Variants in HTR1E observed in about 807,000 individuals in gnomAD.
HTR1E encodes the protein 5-HT-1E.
Under a neutral mutation model 3.4 loss-of-function variants are expected in HTR1E, and 3 were observed. That is an observed-to-expected ratio of 0.89 (90% CI 0.41 to 2.31). HTR1E has a LOEUF of 2.31. HTR1E is among the 30% of genes most tolerant of loss of function. The pLI, the probability that HTR1E is intolerant of heterozygous loss-of-function variation, is 0.05. For missense variants in HTR1E, 392 were observed against 467.0 expected (o/e 0.84, Z 1.48); for synonymous variants, 170 against 182.8 (o/e 0.93, Z 0.56).
intron 1 of HTR1E, among the ~76,000 whole-genome samples, chr6:87,010,414 G>T (rs1391513295): frequency 1.0e-4 from 15 of 149,230 alleles, no homozygotes; most frequent in East Asian, 2.0e-4. Flanking sequence ...GGGCTGAGGG[G>T]CTCCTCACTT....
chr6:87,005,859 A>C (rs1027242971), intron 1 of HTR1E, among the ~76,000 whole-genome samples: 2 of 152,214 alleles, frequency 1.3e-5, no homozygotes, highest in Admixed American at 1.3e-4. Context: ...TAATAACCAG[A>C]ATATATAAGG....
chr6:86,972,403 CT>C (rs1384240191), intron 1 of HTR1E, among the ~76,000 whole-genome samples: 1 of 152,140 alleles, frequency 6.6e-6, no homozygotes, highest in African/African-American at 2.4e-5. Flanking sequence ...AAGTAACCAA[CT>C]TTTACAAGGC....
chr6:86,971,423 G>A (rs1582266444), intron 1 of HTR1E, among the ~76,000 whole-genome samples: 1 of 152,118 alleles, frequency 6.6e-6, no homozygotes, highest in South Asian at 2.1e-4. Flanking sequence ...TCATGGATAT[G>A]AGCAATTACT....
intron 1 of HTR1E, among the ~76,000 whole-genome samples, chr6:87,002,457 T>C (rs1768038659): frequency 6.6e-6 from 1 of 152,230 alleles, no homozygotes; most frequent in Non-Finnish European, 1.5e-5. Flanking sequence ...CCAGCTTTTA[T>C]TCCCTTATTT....
chr6:87,014,295 G>A (rs1460102329), intron 1 of HTR1E, among the ~76,000 whole-genome samples: 1 of 144,864 alleles, frequency 6.9e-6, no homozygotes, highest in Admixed American at 6.9e-5. Context: ...ATAATAATAA[G>A]GCAGGAAGCA....
chr6:86,994,687 C>A (rs961270839), intron 1 of HTR1E, among the ~76,000 whole-genome samples: 7 of 151,892 alleles, frequency 4.6e-5, no homozygotes, highest in African/African-American at 1.5e-4. Flanking sequence ...AGGAAAAAAA[C>A]AGAAAGAGTG....
At chr6:87,001,104 G>A (rs1232462240) in intron 1 of HTR1E, among the ~76,000 whole-genome samples, 2 of 152,098 alleles carry the variant, frequency 1.3e-5, no homozygotes, top group East Asian at 3.9e-4. Context: ...ATAATGGGCT[G>A]TAAGGGATTA....
intron 1 of HTR1E, among the ~76,000 whole-genome samples, chr6:86,964,229 C>T (rs1767444237): frequency 2.0e-5 from 3 of 152,100 alleles, no homozygotes; most frequent in South Asian, 2.1e-4. Flanking sequence ...GCGTTGGAAT[C>T]GTATCTGGGG....
Position 87,016,428 on chromosome 6 carries a change from C to A in HTR1E, c.1094C>A (p.Thr365Asn). 1 of 1,585,398 alleles carries A rather than the reference C, an allele frequency of 6.3e-7. No individual in the cohort carries two copies. Among genetic ancestry groups the A allele is most frequent in the Non-Finnish European group, 8.6e-7 (1 of 1,162,736 alleles). The change falls in exon 2 of 2, where the codon ACT (threonine) becomes AAT (asparagine). Residue 365 changes from threonine to asparagine, a missense_variant. By Grantham distance (65) the Thr-to-Asn change is moderately conservative. This residue lies in a region of HTR1E where 25 missense variants were observed against 44.1 expected (regional missense o/e 0.57). Transcript: ENST00000305344. ...AAGCTCATTAGATGCCGAGAGCATA[C>A]TTAGACTGTAAAAAGCTAAAAGGCA... ...FKKLIRCREHT is the reference protein window; with the variant it reads ...FKKLIRCREHN
intron 1 of HTR1E, among the ~76,000 whole-genome samples, chr6:87,014,669 G>T (rs1406609981): frequency 6.6e-6 from 1 of 152,114 alleles, no homozygotes; most frequent in Non-Finnish European, 1.5e-5. Context: ...ACATGGATGA[G>T]TTGGAAACCA....
intron 1 of HTR1E, among the ~76,000 whole-genome samples, 173 bp from the exon 2 acceptor site, chr6:87,014,977 T>C (rs1158979641): frequency 1.3e-5 from 2 of 152,042 alleles, no homozygotes; most frequent in East Asian, 3.9e-4. Flanking sequence ...GTTTGAAAAC[T>C]TCCCTGAAGT....
intron 1 of HTR1E, among the ~76,000 whole-genome samples, chr6:87,004,306 C>T (rs1242105125): frequency 6.6e-6 from 1 of 152,120 alleles, no homozygotes; most frequent in East Asian, 1.9e-4. Context: ...TAGAAGACTA[C>T]AGACCAATAT....
intron 1 of HTR1E, among the ~76,000 whole-genome samples, chr6:86,975,972 T>C (rs568112647): frequency 1.1e-4 from 16 of 151,464 alleles, no homozygotes; most frequent in Non-Finnish European, 2.2e-4. Flanking sequence ...CCCATTCCTT[T>C]ACCATGAAAG....
chr6:86,952,192 A>T (rs1435371712), intron 1 of HTR1E, among the ~76,000 whole-genome samples: 1 of 152,124 alleles, frequency 6.6e-6, no homozygotes, highest in Non-Finnish European at 1.5e-5. Context: ...GAATATTTCT[A>T]CACACATGTG....
Position 87,008,471 on chromosome 6 carries a change from G to A in HTR1E, c.-185-6679G>A, listed in dbSNP as rs1254353709. Among the ~76,000 whole-genome samples the A allele has an allele frequency of 3.9e-5, 6 of 152,204 alleles. No homozygotes were observed. The South Asian group carries it at 1.2e-3, about 31-fold the overall frequency. On this transcript the variant is annotated intron_variant, in intron 1 of 1. Transcript: ENST00000305344. ...TAATTGGAAGTAATTTGGGCAAAATGAGAACAATCAAAGAAGAGACGAAAG... is the reference window on the plus strand; with the variant it reads ...TAATTGGAAGTAATTTGGGCAAAATAAGAACAATCAAAGAAGAGACGAAAG...
intron 1 of HTR1E, among the ~76,000 whole-genome samples, chr6:86,997,893 G>T (rs143065990): frequency 0.013 from 1,921 of 151,756 alleles, 24 homozygotes; most frequent in Non-Finnish European, 0.018. Context: ...GAAATAAAAG[G>T]ATTAAAAAAG....
intron 1 of HTR1E, among the ~76,000 whole-genome samples, chr6:86,954,312 T>C (rs1350238917): frequency 6.7e-6 from 1 of 150,318 alleles, no homozygotes. Context: ...CTAAGACATC[T>C]TACTTTATTC....
At position 87,010,518 on chromosome 6, in the gene HTR1E, G is replaced by A. The variant is rs1382911031; in HGVS notation, c.-185-4632G>A. 2.3e-3 allele frequency among the ~76,000 whole-genome samples: 335 copies of A among 146,202 alleles called. 3 individuals are homozygous for A. The highest frequency in any genetic ancestry group is 8.2e-3 in the African/African-American group (324 of 39,614). Reference sequence around the variant, plus strand: ...TCCTCACATCCCAGATGGGGCGGCGGGGCAGAGGCGCTCCCCACATCTCAG... The same window carrying A: ...TCCTCACATCCCAGATGGGGCGGCGAGGCAGAGGCGCTCCCCACATCTCAG... On this transcript the variant is annotated intron_variant, in intron 1 of 1. Transcript: ENST00000305344.
chr6:87,009,668 G>A lies in HTR1E; in HGVS notation c.-185-5482G>A, dbSNP rs1768172083. 4.1e-5 allele frequency among the ~76,000 whole-genome samples: 6 copies of A among 146,522 alleles called. No homozygotes were observed. The South Asian group carries it at 1.3e-3, about 32-fold the overall frequency. ...CAGAGGCGCCCCTCACCTCCCGGAC[G>A]GGGCGGCTGGCCGGGCGGGGGGCCG... On this transcript the variant is annotated intron_variant, in intron 1 of 1. Coordinates refer to ENST00000305344, the MANE Select transcript of HTR1E (RefSeq NM_000865.3).
Sources: allele counts gnomAD v4.1 joint callset (sites outside exome capture counted in the v4.1 genomes callset), GRCh38; gene constraint gnomAD v4.1.1; regional missense constraint gnomAD v4.1.1; transcripts MANE v1.5; gene names NCBI Gene and HGNC (gene_info 2026-07-23, HGNC 2026-07-21).